The following CNNM2 variants were observed in gnomAD, a reference collection of about 807,000 sequenced individuals.
CNNM2 encodes the protein metal transporter CNNM2.
CNNM2 carries 12 observed loss-of-function variants against 66.9 expected under a neutral mutation model. The ratio of observed to expected loss-of-function variants is 0.18; its 90% confidence interval spans 0.11 to 0.29. The LOEUF is 0.29. Ranked by LOEUF, CNNM2 falls within the 10% of genes least tolerant of loss-of-function variation. The probability of loss-of-function intolerance (pLI) is 1.00; values close to 1 mark genes in which losing one functional copy is unlikely to be tolerated. For missense variants in CNNM2, 705 were observed against 1,167.7 expected (o/e 0.60, Z 5.77); for synonymous variants, 557 against 501.8 (o/e 1.11, Z -1.47).
intron 1 of CNNM2, among the ~76,000 whole-genome samples, chr10:102,962,152 C>T (rs2063390968): frequency 6.6e-6 from 1 of 151,974 alleles, no homozygotes; most frequent in Non-Finnish European, 1.5e-5. Context: ...GAACAACACA[C>T]ACTGGGGCCT....
intron 1 of CNNM2, among the ~76,000 whole-genome samples, chr10:102,992,007 GCATTTA>G (rs1184296187): frequency 6.6e-6 from 1 of 151,954 alleles, no homozygotes; most frequent in Non-Finnish European, 1.5e-5. Context: ...ATATACATTT[GCATTTA>G]CATTACCTGT....
At chr10:102,943,452 AC>A (rs1846499491) in intron 1 of CNNM2, among the ~76,000 whole-genome samples, 1 of 152,130 alleles carries the variant, frequency 6.6e-6, no homozygotes, top group African/African-American at 2.4e-5. Flanking sequence ...AAAACAAAAA[AC>A]AAAAAAAAAT....
intron 2 of CNNM2, among the ~76,000 whole-genome samples, chr10:103,052,532 T>TA (rs1449799697): frequency 5.6e-5 from 8 of 141,724 alleles, no homozygotes; most frequent in Non-Finnish European, 9.3e-5. Context: ...TTTTTTTTTT[T>TA]AGACTAAGTC....
chr10:103,050,522 G>A (rs1384111705), intron 2 of CNNM2, among the ~76,000 whole-genome samples: 1 of 149,208 alleles, frequency 6.7e-6, no homozygotes, highest in Non-Finnish European at 1.5e-5. Context: ...GGTTAACAGA[G>A]TGAGAGTCCA....
At chr10:103,060,362 G>A (rs1384642995) in intron 4 of CNNM2, among the ~76,000 whole-genome samples, 1 of 152,060 alleles carries the variant, frequency 6.6e-6, no homozygotes, top group Non-Finnish European at 1.5e-5. Flanking sequence ...AGGAGTTCAA[G>A]ACCAGCCTGG....
intron 1 of CNNM2, among the ~76,000 whole-genome samples, chr10:102,999,048 G>A (rs1186938105): frequency 6.6e-6 from 1 of 151,184 alleles, no homozygotes; most frequent in African/African-American, 2.4e-5. Flanking sequence ...GGGATTACAG[G>A]CAAAAAAATC....
At chr10:102,983,393 G>C (rs1301531975) in intron 1 of CNNM2, among the ~76,000 whole-genome samples, 1 of 149,082 alleles carries the variant, frequency 6.7e-6, no homozygotes, top group Non-Finnish European at 1.5e-5. Context: ...CGGGCGTGGT[G>C]GCTCACACCT....
chr10:102,948,216 G>A (rs74156603), intron 1 of CNNM2, among the ~76,000 whole-genome samples: 39 of 152,314 alleles, frequency 2.6e-4, no homozygotes, highest in African/African-American at 8.9e-4. Flanking sequence ...TGACAGTTTG[G>A]TGGGGGAGAT....
At chr10:103,021,441 G>A (rs1251522336) in intron 1 of CNNM2, among the ~76,000 whole-genome samples, 3 of 152,152 alleles carry the variant, frequency 2.0e-5, no homozygotes, top group African/African-American at 4.8e-5. Context: ...GGAGTCCCGG[G>A]CTTCTTGTGG....
At chr10:103,068,895 C>T (rs979725827) in intron 5 of CNNM2, among the ~76,000 whole-genome samples, 173 bp downstream of exon 5, 23 of 152,076 alleles carry the variant, frequency 1.5e-4, no homozygotes, top group African/African-American at 5.6e-4. Context: ...AAGTATATAC[C>T]TCCATGAATT....
intron 1 of CNNM2, among the ~76,000 whole-genome samples, chr10:102,970,373 ATT>A (rs1344087589): frequency 6.6e-6 from 1 of 152,214 alleles, no homozygotes; most frequent in East Asian, 1.9e-4. Context: ...TCATAAATAA[ATT>A]TTGATTGGAA....
intron 1 of CNNM2, among the ~76,000 whole-genome samples, chr10:103,007,653 G>A (rs981100677): frequency 6.6e-6 from 1 of 152,062 alleles, no homozygotes; most frequent in Non-Finnish European, 1.5e-5. Flanking sequence ...GCTCTATTCT[G>A]CCTGACCCCG....
chr10:102,952,687 G>A (rs1846885541), intron 1 of CNNM2, among the ~76,000 whole-genome samples: 1 of 152,072 alleles, frequency 6.6e-6, no homozygotes, highest in South Asian at 2.1e-4. Context: ...TCATTAGTTG[G>A]GGCACTGGGG....
At position 103,077,363 on chromosome 10, in the gene CNNM2, G is replaced by A. The variant is rs1590517447; in HGVS notation, c.*183G>A. The A allele has an allele frequency of 8.7e-6, 5 of 573,984 alleles. No homozygotes were observed. Among genetic ancestry groups the A allele is most frequent in the South Asian group, 7.8e-5 (3 of 38,406 alleles). 35.6% of individuals were successfully genotyped at this position (573,984 alleles called of 1,614,324 possible). A position where few individuals can be genotyped will look rare whatever the true frequency, so the allele number is the denominator to read the frequency against. On this transcript the variant is annotated 3_prime_UTR_variant, in exon 8 of 8. Transcript: ENST00000369878. ...AGGACAGTGAGGGAGGAATGGAAAC[G>A]AGAGATGTGAAGTTGGCAGCCGGGG...
chr10:103,014,765 G>A (rs1451090890), intron 1 of CNNM2, among the ~76,000 whole-genome samples: 1 of 152,044 alleles, frequency 6.6e-6, no homozygotes, highest in Non-Finnish European at 1.5e-5. Flanking sequence ...AGTGGCTCAT[G>A]CCTATAATCC....
intron 1 of CNNM2, among the ~76,000 whole-genome samples, chr10:103,029,910 A>C (rs1452889618): frequency 6.6e-6 from 1 of 152,082 alleles, no homozygotes; most frequent in Non-Finnish European, 1.5e-5. Flanking sequence ...ATAGTTATTA[A>C]TACAGGGTAA....
chr10:102,924,200 C>G (rs1332437065), intron 1 of CNNM2, among the ~76,000 whole-genome samples: 1 of 152,126 alleles, frequency 6.6e-6, no homozygotes, highest in East Asian at 1.9e-4. Flanking sequence ...AGGCTGCCAC[C>G]TTTGTGTGTG....
intron 1 of CNNM2, among the ~76,000 whole-genome samples, chr10:102,929,645 A>G (rs1160878639): frequency 6.6e-6 from 1 of 152,168 alleles, no homozygotes; most frequent in African/African-American, 2.4e-5. Context: ...ATAATTCTTC[A>G]TTCTCTTTAA....
chr10:103,087,680 A>T lies in CNNM2; in HGVS notation c.*10500A>T, dbSNP rs965185800. 1.3e-5 allele frequency: 2 copies of T among 152,248 alleles called. No individual in the cohort carries two copies. The highest frequency in any genetic ancestry group is 4.8e-5 in the African/African-American group (2 of 41,468). 9.4% of individuals were successfully genotyped at this position (152,248 alleles called of 1,614,324 possible). A position where few individuals can be genotyped will look rare whatever the true frequency, so the allele number is the denominator to read the frequency against. ...ACTTAAGACTATGTTAAACTGGACA[A>T]CATCTCCATCTTGAGTGAGAGTAAT... On this transcript the variant is annotated 3_prime_UTR_variant, in exon 8 of 8. Transcript: ENST00000369878.
Sources: allele counts gnomAD v4.1 joint callset (sites outside exome capture counted in the v4.1 genomes callset), GRCh38; gene constraint gnomAD v4.1.1; transcripts MANE v1.5; gene names NCBI Gene and HGNC (gene_info 2026-07-23, HGNC 2026-07-21).